The following TNS2 variants were observed in gnomAD, a reference collection of about 807,000 sequenced individuals.
TNS2 encodes the protein tensin 2, also known as tensin-2.
A neutral mutation model predicts 155.7 loss-of-function variants in TNS2; 77 were observed. That is an observed-to-expected ratio of 0.49 (90% CI 0.41 to 0.60). The LOEUF is 0.60. Among genes scored for constraint, TNS2 ranks in the 20% least tolerant of loss-of-function variants. The pLI, the probability that TNS2 is intolerant of heterozygous loss-of-function variation, is 0.00. For missense variants in TNS2, 1,703 were observed against 1,868.8 expected (o/e 0.91, Z 1.64); for synonymous variants, 726 against 763.9 (o/e 0.95, Z 0.82).
chr12:53,057,383 C>T (rs1020091672), intron 11 of TNS2, among the ~76,000 whole-genome samples, 184 bp from the exon 12 acceptor site: 3 of 152,084 alleles, frequency 2.0e-5, no homozygotes, highest in African/African-American at 7.2e-5. Context: ...GGGGAAAGAG[C>T]TTTGAGGCAG....
At chr12:53,047,608 G>A (rs1298875235), upstream of TNS2, among the ~76,000 whole-genome samples, 1 of 151,630 alleles carries the variant, frequency 6.6e-6, no homozygotes, top group Non-Finnish European at 1.5e-5. Context: ...ACTCGATCAG[G>A]CCGCCACGCC....
chr12:53,061,957 C>T lies in TNS2; in HGVS notation c.3574+17C>T, dbSNP rs1162311647. 1.9e-6 allele frequency: 3 copies of T among 1,609,594 alleles called. No individual in the cohort carries two copies. The highest frequency in any genetic ancestry group is 2.5e-6 in the Non-Finnish European group (3 of 1,177,718). ...CCTGGAAAGGTACAGAACACCCAAA[C>T]CTGAGTGGGGTGGGGATGAAGTTGG... On this transcript the variant is annotated intron_variant, in intron 22 of 28. Transcript: ENST00000314250.
At position 53,058,819 on chromosome 12, in the gene TNS2, G is replaced by A; in HGVS notation, c.1397G>A (p.Ser466Asn). 1 of 1,613,470 alleles carries A rather than the reference G, an allele frequency of 6.2e-7. No individual in the cohort carries two copies. The highest frequency in any genetic ancestry group is 8.5e-7 in the Non-Finnish European group (1 of 1,179,968). ...AACTTCAACCAGCACCACGAGGACA[G>A]TGTGGATGGTGCGCAGGCAGCCTGC... ...YENFNQHHED[S>N]VDGSLTHTRG... The change falls in exon 17 of 29, where the codon AGT (serine) becomes AAT (asparagine). Residue 466 changes from serine to asparagine, a missense_variant. Transcript: ENST00000314250.
At chr12:53,055,328 A>G (rs1944108671) in intron 8 of TNS2, 92 bp downstream of exon 8, 1 of 1,424,290 alleles carries the variant, frequency 7.0e-7, no homozygotes, top group Admixed American at 1.9e-5. Context: ...AGCAATTGGC[A>G]TCTACTTCAC....
Position 53,060,693 on chromosome 12 carries a change from C to G in TNS2, c.2787C>G (p.Thr929=). 6.3e-7 allele frequency: 1 copy of G among 1,582,076 alleles called. No individual in the cohort carries two copies. Among genetic ancestry groups the G allele is most frequent in the African/African-American group, 1.3e-5 (1 of 74,620 alleles). The change falls in exon 20 of 29, where the codon ACC becomes ACG. Residue 929 remains threonine, a synonymous_variant. Transcript: ENST00000314250. This position sits in a 1 kb window ranked among gnomAD's most constrained non-coding sequence, Gnocchi z 6.1. ...CCTACAGCACCCGGCGACAGGACACCAGGTCCCCCACCTCAGCGCCCACTC... is the reference window on the plus strand; with the variant it reads ...CCTACAGCACCCGGCGACAGGACACGAGGTCCCCCACCTCAGCGCCCACTC... ...QGKESTRRQD[T]RSPTSAPTQR...
upstream of TNS2, among the ~76,000 whole-genome samples, chr12:53,048,539 G>A (rs1031064972): frequency 1.3e-5 from 2 of 152,110 alleles, no homozygotes; most frequent in Non-Finnish European, 2.9e-5. Flanking sequence ...CACACTGGCC[G>A]GGGGCCTGGA....
In TNS2 at chr12:53,062,600, T is replaced by C; in HGVS notation, c.3746-20T>C. ...ACACTCTGCCTTCTGAGCTTCCCTGTCGGTTCTCATTGCCCTCAGATCCTC... is the reference window on the plus strand; with the variant it reads ...ACACTCTGCCTTCTGAGCTTCCCTGCCGGTTCTCATTGCCCTCAGATCCTC... On this transcript the variant is annotated intron_variant, in intron 24 of 28. Coordinates refer to ENST00000314250, the MANE Select transcript of TNS2 (RefSeq NM_170754.4). 1 of 1,613,404 alleles carries C rather than the reference T, an allele frequency of 6.2e-7. No individual in the cohort carries two copies. Among genetic ancestry groups the C allele is most frequent in the Non-Finnish European group, 8.5e-7 (1 of 1,179,426 alleles).
chr12:53,059,924 C>G lies in TNS2; in HGVS notation c.2283C>G (p.Gly761=), dbSNP rs773012011. The G allele has an allele frequency of 1.2e-6, 2 of 1,610,824 alleles. No homozygotes were observed. The highest frequency in any genetic ancestry group is 1.7e-6 in the Non-Finnish European group (2 of 1,178,326). ...GCTGCCTGAAGCCACCCAAGGCAGGCGAGGAAGGGCACGAGGGCTGCTCCT... is the reference window on the plus strand; with the variant it reads ...GCTGCCTGAAGCCACCCAAGGCAGGGGAGGAAGGGCACGAGGGCTGCTCCT... ...DYSCLKPPKA[G]EEGHEGCSYT... The change falls in exon 18 of 29, where the codon GGC becomes GGG. Residue 761 remains glycine (G), a synonymous_variant. Transcript: ENST00000314250. The surrounding 1 kb of genome is among the most constrained non-coding windows in gnomAD (Gnocchi z 4.7).
At position 53,055,673 on chromosome 12, in the gene TNS2, G is replaced by A. The variant is rs745972332; in HGVS notation, c.679G>A (p.Val227Ile). The change falls in exon 9 of 29, where the codon GTC (valine) becomes ATC (isoleucine). Residue 227 changes from valine to isoleucine, a missense_variant. Val to Ile is a conservative substitution (Grantham distance 29). Coordinates refer to ENST00000314250, the MANE Select transcript of TNS2 (RefSeq NM_170754.4). ...TWLSADPQHV[V>I]VLYCKGNKGK... ...GCTCAGTGCTGACCCACAGCACGTG[G>A]TCGTACTATACTGCAAGGTGGGCCA... 2.5e-6 allele frequency: 4 copies of A among 1,614,182 alleles called. No homozygotes were observed. The highest frequency in any genetic ancestry group is 3.4e-6 in the Non-Finnish European group (4 of 1,180,040).
chr12:53,052,244 G>A, intron 2 of TNS2: 1 of 658,460 alleles, frequency 1.5e-6, no homozygotes, highest in African/African-American at 1.8e-5. Flanking sequence ...CACCCACCCT[G>A]GAACGTTACC....
At chr12:53,057,906 C>T in intron 13 of TNS2, 73 bp downstream of exon 13, 1 of 1,610,910 alleles carries the variant, frequency 6.2e-7, no homozygotes, top group Admixed American at 1.7e-5. Context: ...CCTGCTTCTC[C>T]AGCCTCCCTA....
upstream of TNS2, chr12:53,049,876 A>G (rs1044545474): frequency 4.3e-6 from 2 of 460,070 alleles, no homozygotes; most frequent in Non-Finnish European, 7.7e-6. Flanking sequence ...GTGTGGGACA[A>G]CTCCAGAGTT....
intron 25 of TNS2, 130 bp downstream of exon 25, chr12:53,062,827 C>A (rs1944425863): frequency 2.6e-6 from 3 of 1,175,308 alleles, no homozygotes. Flanking sequence ...AGGGGAGCCC[C>A]ATACTGTCGG....
intron 10 of TNS2, 71 bp from the exon 11 acceptor site, chr12:53,056,942 T>G (rs1008673367): frequency 1.7e-5 from 24 of 1,442,390 alleles, no homozygotes; most frequent in Non-Finnish European, 2.3e-5. Context: ...CTCCATCCCC[T>G]GGGGCTTAGG....
In TNS2 at chr12:53,060,054, G is replaced by A. The variant is rs769636891; in HGVS notation, c.2413G>A (p.Val805Met). ...CAGTTACTGCCCAGCATATGGCCGT[G>A]TGCCTCATAGCTGTGGCTCTCCAGG... The part of the protein sequence containing the change: ...VPSYCPAYGR[V>M]PHSCGSPGEG... The change falls in exon 18 of 29, where the codon GTG becomes ATG. Residue 805 changes from valine to methionine, a missense_variant. Physicochemically the swap from Val to Met is conservative, Grantham distance 21. Transcript: ENST00000314250. This position sits in a 1 kb window ranked among gnomAD's most constrained non-coding sequence, Gnocchi z 6.1. 4.3e-6 allele frequency: 7 copies of A among 1,613,310 alleles called. No homozygotes were observed. The highest frequency in any genetic ancestry group is 2.2e-5 in the East Asian group (1 of 44,892).
Position 53,053,463 on chromosome 12 carries a change from G to T in TNS2, c.261+14G>T. ...CCCGTGGAGTTGGTGAGTGCGCTCT[G>T]GGATGGGGTGGGGAGGGCAAGGAAC... On this transcript the variant is annotated intron_variant, in intron 4 of 28. Coordinates refer to ENST00000314250, the MANE Select transcript of TNS2 (RefSeq NM_170754.4). The T allele has an allele frequency of 6.2e-7, 1 of 1,613,966 alleles. No individual in the cohort carries two copies. The highest frequency in any genetic ancestry group is 8.5e-7 in the Non-Finnish European group (1 of 1,179,884).
rs1417169284 is a variant in TNS2 at position 53,055,205 on chromosome 12, AAAG to A, written c.543_545del (p.Arg182del). The stretch of plus-strand genomic sequence containing the variant: ...TTTCAGCTCTTCAACCTTTCAGAGA[AAAG>A]GCATGACCTGACCCGCTTAAACCCC... On this transcript the variant is annotated inframe_deletion, in exon 8 of 29. Coordinates refer to ENST00000314250, the MANE Select transcript of TNS2 (RefSeq NM_170754.4). 1 of 1,614,008 alleles carries A rather than the reference AAAG, an allele frequency of 6.2e-7. No homozygotes were observed.
intron 2 of TNS2, 66 bp from the exon 3 acceptor site, chr12:53,052,389 G>A (rs1330544456): frequency 8.1e-6 from 13 of 1,599,904 alleles, no homozygotes; most frequent in Admixed American, 5.0e-5. Context: ...GGAGATGAGG[G>A]AAGGCCATTC....
upstream of TNS2, chr12:53,049,959 G>C (rs752389556): frequency 1.6e-4 from 181 of 1,161,928 alleles, no homozygotes; most frequent in Non-Finnish European, 2.1e-4. Context: ...CTGATCTCCT[G>C]GCCTCCCCCA....
Sources: allele counts gnomAD v4.1 joint callset (sites outside exome capture counted in the v4.1 genomes callset), GRCh38; gene constraint gnomAD v4.1.1; non-coding constraint Gnocchi (gnomAD v3.1); transcripts MANE v1.5; gene names NCBI Gene and HGNC (gene_info 2026-07-23, HGNC 2026-07-21).